CRHR1: variants seen among roughly 807,000 people sequenced by gnomAD.
CRHR1 encodes corticotropin-releasing hormone receptor 1.
In CRHR1, 28 loss-of-function variants were observed where a neutral mutation model predicts 56.0. The observed-to-expected ratio is 0.50, with a 90% CI of 0.37 to 0.69. The LOEUF is 0.69. CRHR1 is among the 30% of genes least tolerant of loss of function. CRHR1 has a pLI of 0.00. For synonymous variants in CRHR1, 195 were observed against 216.5 expected (o/e 0.90, Z 0.87); for missense variants, 376 against 548.0 (o/e 0.69, Z 3.13).
At chr17:45,822,520 C>T (rs971691584) in intron 4 of CRHR1, among the ~76,000 whole-genome samples, 10 of 152,162 alleles carry the variant, frequency 6.6e-5, no homozygotes, top group African/African-American at 1.9e-4. Flanking sequence ...CTAAGCAGTC[C>T]CAAGAATCCC....
At chr17:45,791,698 G>A (rs2061427567) in intron 1 of CRHR1, among the ~76,000 whole-genome samples, 1 of 151,966 alleles carries the variant, frequency 6.6e-6, no homozygotes, top group Non-Finnish European at 1.5e-5. Context: ...TGCCCCAGAT[G>A]AGCTCCCGCC....
At chr17:45,833,932 G>A (rs2062378382) in intron 11 of CRHR1, 75 bp from the exon 12 acceptor site, 14 of 1,612,956 alleles carry the variant, frequency 8.7e-6, no homozygotes, top group African/African-American at 1.3e-5. Flanking sequence ...AGGCCAGGGA[G>A]AAGCAAGGGG....
chr17:45,788,557 G>C (rs1598391935), intron 1 of CRHR1, among the ~76,000 whole-genome samples: 1 of 152,282 alleles, frequency 6.6e-6, no homozygotes, highest in East Asian at 1.9e-4. Context: ...GCTATAAAAT[G>C]GGGGAAATGC....
chr17:45,821,260 C>T (rs970655702), intron 3 of CRHR1, 95 bp from the exon 4 acceptor site: 1 of 1,115,454 alleles, frequency 9.0e-7, no homozygotes, highest in Non-Finnish European at 1.4e-6. Context: ...CTGTACTGGC[C>T]ATCTACAGAT....
intron 12 of CRHR1, 25 bp downstream of exon 12, chr17:45,834,073 G>A (rs1312409602): frequency 1.8e-5 from 29 of 1,611,878 alleles, no homozygotes; most frequent in Non-Finnish European, 2.2e-5. Flanking sequence ...GCCCTGCAGC[G>A]GGGTTCAGGG....
rs2062399131 is a variant in CRHR1 at position 45,834,707 on chromosome 17, C to T, written c.1191C>T (p.Ile397=). 6 of 1,613,804 alleles carry T rather than the reference C, an allele frequency of 3.7e-6. No homozygotes were observed. The highest frequency in any genetic ancestry group is 3.4e-6 in the Non-Finnish European group (4 of 1,179,984). ...CCCGAGTGGCCCGTGCCATGTCCAT[C>T]CCCACCTCCCCAACCCGTGTCAGCT... ...IRARVARAMS[I]PTSPTRVSFH... is the part of the protein sequence containing the mutation. Residue 397 remains isoleucine (I), a synonymous_variant, in exon 13 of 13, where the codon ATC becomes ATT. Transcript: ENST00000314537.
rs375013684 is a variant in CRHR1 at position 45,834,072 on chromosome 17, C to T, written c.1107+24C>T. ...AGGTGAGGACCCGGGGGCCCTGCAGCGGGGTTCAGGGCTGTGAGGCCTGTT... is the reference window on the plus strand; with the variant it reads ...AGGTGAGGACCCGGGGGCCCTGCAGTGGGGTTCAGGGCTGTGAGGCCTGTT... On this transcript the variant is annotated intron_variant, in intron 12 of 12. Transcript: ENST00000314537. The T allele has an allele frequency of 2.8e-4, 458 of 1,612,098 alleles. 3 individuals are homozygous for T. The South Asian group carries it at 4.4e-3, about 15-fold the overall frequency.
At chr17:45,823,174 G>A (rs1347238299) in intron 4 of CRHR1, among the ~76,000 whole-genome samples, 1 of 151,328 alleles carries the variant, frequency 6.6e-6, no homozygotes, top group African/African-American at 2.4e-5. Context: ...ATCTCCCAGA[G>A]CACTTGTCCA....
At position 45,784,641 on chromosome 17, in the gene CRHR1, G is replaced by C; in HGVS notation, c.33+64G>C. 1.3e-6 allele frequency: 2 copies of C among 1,486,722 alleles called. No individual in the cohort carries two copies. Among genetic ancestry groups the C allele is most frequent in the Non-Finnish European group, 1.8e-6 (2 of 1,112,982 alleles). 92.1% of individuals were successfully genotyped at this position (1,486,722 alleles called of 1,614,324 possible). ...CCGGCCCCTGGCGGACGCGGGACGG[G>C]GCTGGGCTGTGGGTGTGATGGGGGC... is the stretch of plus-strand genomic sequence containing the variant. On this transcript the variant is annotated intron_variant, in intron 1 of 12. Transcript: ENST00000314537. This position sits in a 1 kb window ranked among gnomAD's most constrained non-coding sequence, Gnocchi z 4.2.
intron 2 of CRHR1, among the ~76,000 whole-genome samples, chr17:45,814,926 T>G (rs2061897002): frequency 6.6e-6 from 1 of 152,280 alleles, no homozygotes; most frequent in South Asian, 2.1e-4. Context: ...AGTCCTGATT[T>G]GCACAAATGC....
chr17:45,796,388 T>C (rs1311964906), intron 1 of CRHR1, among the ~76,000 whole-genome samples: 2 of 152,168 alleles, frequency 1.3e-5, no homozygotes, highest in Admixed American at 1.3e-4. Flanking sequence ...GTCCGCCCCC[T>C]CGTTCCCACT....
intron 3 of CRHR1, 120 bp downstream of exon 3, chr17:45,816,702 C>T: frequency 1.4e-6 from 2 of 1,472,764 alleles, no homozygotes; most frequent in Admixed American, 4.2e-5. Context: ...GTGGGGATCG[C>T]CCCTGTTTTC....
intron 2 of CRHR1, among the ~76,000 whole-genome samples, chr17:45,814,654 C>T (rs1316861174): frequency 6.6e-6 from 1 of 152,354 alleles, no homozygotes; most frequent in African/African-American, 2.4e-5. Flanking sequence ...TCCCTGTCCC[C>T]GGGCTCAACA....
At chr17:45,812,355 G>A (rs1035214154) in intron 2 of CRHR1, among the ~76,000 whole-genome samples, 3 of 152,186 alleles carry the variant, frequency 2.0e-5, no homozygotes, top group African/African-American at 4.8e-5. Flanking sequence ...GTCAGGAGGC[G>A]TTGGCACCTA....
intron 2 of CRHR1, among the ~76,000 whole-genome samples, chr17:45,809,088 G>A (rs545198356): frequency 6.6e-6 from 1 of 152,360 alleles, no homozygotes; most frequent in South Asian, 2.1e-4. Context: ...AATATTAAGA[G>A]ACACTGTTAG....
chr17:45,818,585 C>G (rs2061975041), intron 3 of CRHR1, among the ~76,000 whole-genome samples: 1 of 152,152 alleles, frequency 6.6e-6, no homozygotes, highest in Non-Finnish European at 1.5e-5. Flanking sequence ...CCTCTGTGAT[C>G]CCAGGAAAGG....
chr17:45,821,331 A>G (rs761615563), intron 3 of CRHR1, 24 bp from the exon 4 acceptor site: 2 of 1,609,868 alleles, frequency 1.2e-6, no homozygotes, highest in East Asian at 2.2e-5. Flanking sequence ...CCCCGCCATC[A>G]CTGCCTCTCT....
chr17:45,784,822 G>T lies in CRHR1; in HGVS notation c.33+245G>T, dbSNP rs1049500431. Reference sequence around the variant, plus strand: ...CCGCCGGGATGTTGGCGGAGGAGGGGGTCCGCCCACCCGGGTAGCCGGCTC... The same window carrying T: ...CCGCCGGGATGTTGGCGGAGGAGGGTGTCCGCCCACCCGGGTAGCCGGCTC... On this transcript the variant is annotated intron_variant, in intron 1 of 12. Coordinates refer to ENST00000314537, the MANE Select transcript of CRHR1 (RefSeq NM_004382.5). This position sits in a 1 kb window ranked among gnomAD's most constrained non-coding sequence, Gnocchi z 4.2. Among the ~76,000 whole-genome samples the T allele has an allele frequency of 2.0e-5, 3 of 152,114 alleles. No individual in the cohort carries two copies. Among genetic ancestry groups the T allele is most frequent in the Non-Finnish European group, 4.4e-5 (3 of 67,986 alleles).
intron 1 of CRHR1, among the ~76,000 whole-genome samples, chr17:45,796,960 A>G (rs1028385071): frequency 3.3e-5 from 5 of 152,260 alleles, no homozygotes; most frequent in Non-Finnish European, 7.3e-5. Context: ...GAGCAAGTGA[A>G]TGCATGAGAG....
Sources: gnomAD v4.1 joint callset for allele counts (sites outside exome capture counted in the v4.1 genomes callset) on GRCh38, gnomAD v4.1.1 for gene constraint, Gnocchi (gnomAD v3.1) non-coding constraint, MANE v1.5 for transcripts, NCBI Gene and HGNC (gene_info 2026-07-23, HGNC 2026-07-21) for gene names.